Variants in HECTD2 observed in about 807,000 individuals in gnomAD.
HECTD2 encodes the protein HECT domain E3 ubiquitin protein ligase 2.
Under a neutral mutation model 103.2 loss-of-function variants are expected in HECTD2, and 35 were observed. That is an observed-to-expected ratio of 0.34 (90% CI 0.26 to 0.45). HECTD2 has a LOEUF of 0.45. Among genes scored for constraint, HECTD2 ranks in the 20% least tolerant of loss-of-function variants. The pLI is 1.00. For synonymous variants in HECTD2, 281 were observed against 329.9 expected, an observed-to-expected ratio of 0.85 and a Z score of 1.61; for missense variants, 596 against 937.4, an observed-to-expected ratio of 0.64 and a Z score of 4.76.
intron 6 of HECTD2, 143 bp downstream of exon 6, chr10:91,478,408 A>T: frequency 1.7e-6 from 1 of 586,262 alleles, no homozygotes; most frequent in East Asian, 2.9e-5. Flanking sequence ...AAGAATTATA[A>T]GCCATTTACA....
rs1458700045 is a variant in HECTD2, at chr10:91,512,501, A to C, written c.*117A>C. 1.0e-6 allele frequency: 1 copy of C among 968,920 alleles called. No individual in the cohort carries two copies. Among genetic ancestry groups the C allele is most frequent in the East Asian group, 2.4e-5 (1 of 41,032 alleles). 60.0% of individuals were successfully genotyped at this position (968,920 alleles called of 1,614,324 possible). On this transcript the variant is annotated 3_prime_UTR_variant, in exon 21 of 21. Transcript: ENST00000298068. Reference sequence around the variant, plus strand: ...TTTGACAAAGCTCACCAACTTTAAAATATTAAGTTTTTAAAAAATCAAATA... The same window carrying C: ...TTTGACAAAGCTCACCAACTTTAAACTATTAAGTTTTTAAAAAATCAAATA...
chr10:91,507,184 A>C (rs1160336438), intron 20 of HECTD2, among the ~76,000 whole-genome samples: 2 of 150,638 alleles, frequency 1.3e-5, no homozygotes, highest in Non-Finnish European at 3.0e-5. Flanking sequence ...AATGGGCAAA[A>C]ACTGGAAGCA....
chr10:91,440,029 C>T (rs1844332479), intron 2 of HECTD2, among the ~76,000 whole-genome samples: 3 of 152,128 alleles, frequency 2.0e-5, no homozygotes, highest in Admixed American at 6.6e-5. Context: ...CATCTGCAAA[C>T]AGAGACAATT....
chr10:91,492,490 T>C lies in HECTD2; in HGVS notation c.1432+6T>C, dbSNP rs759149047. 1.9e-6 allele frequency: 3 copies of C among 1,594,124 alleles called. No individual in the cohort carries two copies. Among genetic ancestry groups the C allele is most frequent in the Non-Finnish European group, 2.6e-6 (3 of 1,164,548 alleles). On this transcript the variant is annotated splice_donor_region_variant and intron_variant, in intron 13 of 20. Coordinates refer to ENST00000298068, the MANE Select transcript of HECTD2 (RefSeq NM_182765.6). ...AATTTTTCATCCAGATTATGGTAAG[T>C]ATGTAATCTAATTTTTATAAACTGT...
intron 10 of HECTD2, chr10:91,486,621 T>A (rs1275916831): frequency 6.6e-6 from 1 of 152,156 alleles, no homozygotes; most frequent in Non-Finnish European, 1.5e-5. Flanking sequence ...AGTGTATCAT[T>A]CACAAAGTAT....
chr10:91,485,480 G>C (rs931143591), intron 10 of HECTD2, 177 bp downstream of exon 10: 1 of 490,744 alleles, frequency 2.0e-6, no homozygotes, highest in African/African-American at 2.1e-5. Flanking sequence ...GCTACATTTT[G>C]AATTTATGTA....
intron 5 of HECTD2, among the ~76,000 whole-genome samples, chr10:91,467,809 C>T (rs1845584082): frequency 6.6e-6 from 1 of 152,158 alleles, no homozygotes; most frequent in Non-Finnish European, 1.5e-5. Flanking sequence ...CTTGCTGCCC[C>T]CACTGGCATG....
Position 91,491,195 on chromosome 10 carries a change from A to C in HECTD2, c.1192-5A>C. 1 of 1,453,160 alleles carries C rather than the reference A, an allele frequency of 6.9e-7. No homozygotes were observed. Among genetic ancestry groups the C allele is most frequent in the Non-Finnish European group, 9.6e-7 (1 of 1,040,736 alleles). The allele number at this position is 1,453,160 out of a possible 1,614,324, so 90.0% of individuals were successfully genotyped here. The stretch of plus-strand genomic sequence containing the variant: ...GCAAAACTGTTTACTTTCTTATTTA[A>C]TCAGCAAAGTCTGGTGGATAAAGTA... On this transcript the variant is annotated splice_polypyrimidine_tract_variant and splice_region_variant and intron_variant, in intron 11 of 20. Coordinates refer to ENST00000298068, the MANE Select transcript of HECTD2 (RefSeq NM_182765.6).
chr10:91,510,768 T>A (rs1447055349), intron 20 of HECTD2, among the ~76,000 whole-genome samples: 2 of 152,214 alleles, frequency 1.3e-5, no homozygotes, highest in Non-Finnish European at 2.9e-5. Context: ...TTTGATGATA[T>A]TTTTAATTCA....
chr10:91,501,184 T>C lies in HECTD2; in HGVS notation c.2067-7T>C, dbSNP rs766958743. ...ATTTGATGTTAATTTCCTTTGGTATTCTCTAGATACTTTTGGGATGTTGTG... is the reference window on the plus strand; with the variant it reads ...ATTTGATGTTAATTTCCTTTGGTATCCTCTAGATACTTTTGGGATGTTGTG... On this transcript the variant is annotated splice_region_variant and splice_polypyrimidine_tract_variant and intron_variant, in intron 19 of 20. Coordinates refer to ENST00000298068, the MANE Select transcript of HECTD2 (RefSeq NM_182765.6). 1.1e-4 allele frequency: 177 copies of C among 1,605,570 alleles called. No homozygotes were observed. Among genetic ancestry groups the C allele is most frequent in the Non-Finnish European group, 1.5e-4 (176 of 1,175,988 alleles).
intron 20 of HECTD2, among the ~76,000 whole-genome samples, chr10:91,504,412 C>T (rs1295702458): frequency 1.3e-5 from 2 of 151,196 alleles, no homozygotes; most frequent in Non-Finnish European, 3.0e-5. Flanking sequence ...CTAGAATAAC[C>T]AATACAGAGA....
rs1486882811 is a variant in HECTD2, at chr10:91,514,354, T to G, written c.*1970T>G. 6.6e-6 allele frequency: 1 copy of G among 152,662 alleles called. No homozygotes were observed. Among genetic ancestry groups the G allele is most frequent in the African/African-American group, 2.4e-5 (1 of 41,460 alleles). The allele number at this position is 152,662 out of a possible 1,614,324, so 9.5% of individuals were successfully genotyped here. ...ATAACTAGAGAATTTTTGTTATCTGTTGTTAAGTTGAAATGTATAATCATT... is the reference window on the plus strand; with the variant it reads ...ATAACTAGAGAATTTTTGTTATCTGGTGTTAAGTTGAAATGTATAATCATT... On this transcript the variant is annotated 3_prime_UTR_variant, in exon 21 of 21. Coordinates refer to ENST00000298068, the MANE Select transcript of HECTD2 (RefSeq NM_182765.6).
At chr10:91,465,331 T>C (rs1464287739) in intron 5 of HECTD2, among the ~76,000 whole-genome samples, 1 of 152,184 alleles carries the variant, frequency 6.6e-6, no homozygotes, top group Admixed American at 6.5e-5. Context: ...TGTGTGTGCA[T>C]GCGAGTGTGT....
chr10:91,458,501 G>T (rs952885792), intron 2 of HECTD2, among the ~76,000 whole-genome samples: 1 of 151,926 alleles, frequency 6.6e-6, no homozygotes, highest in Non-Finnish European at 1.5e-5. Context: ...GAATAAAGTT[G>T]AAAGAATCAG....
At chr10:91,430,779 A>C (rs2133063470) in intron 2 of HECTD2, among the ~76,000 whole-genome samples, 1 of 152,028 alleles carries the variant, frequency 6.6e-6, no homozygotes, top group East Asian at 1.9e-4. Flanking sequence ...CTGTCTCTGC[A>C]TGTGCGATGG....
chr10:91,437,449 C>T (rs1375404097), intron 2 of HECTD2, among the ~76,000 whole-genome samples: 1 of 152,036 alleles, frequency 6.6e-6, no homozygotes, highest in Non-Finnish European at 1.5e-5. Flanking sequence ...ATAACCTACT[C>T]ATGCAGCTTC....
At chr10:91,419,836 C>G (rs543082429) in intron 1 of HECTD2, among the ~76,000 whole-genome samples, 15 of 152,286 alleles carry the variant, frequency 9.8e-5, no homozygotes, top group Admixed American at 2.6e-4. Context: ...AGGCTGGCCA[C>G]ATTCCAGGCC....
intron 6 of HECTD2, among the ~76,000 whole-genome samples, chr10:91,479,978 C>T (rs1178911792): frequency 1.3e-5 from 2 of 151,828 alleles, no homozygotes; most frequent in Non-Finnish European, 2.9e-5. Context: ...TGCAGATTTG[C>T]CTGATTTTCT....
intron 5 of HECTD2, 56 bp downstream of exon 5, chr10:91,462,240 G>C (rs778021941): frequency 6.8e-7 from 1 of 1,472,598 alleles, no homozygotes; most frequent in African/African-American, 1.4e-5. Flanking sequence ...TATATCAAAA[G>C]CAGCCATACA....
Sources: gnomAD v4.1 joint callset for allele counts (sites outside exome capture counted in the v4.1 genomes callset) on GRCh38, gnomAD v4.1.1 for gene constraint, MANE v1.5 for transcripts, NCBI Gene and HGNC (gene_info 2026-07-23, HGNC 2026-07-21) for gene names.